ZCCHC4: variants seen among roughly 807,000 people sequenced by gnomAD.
ZCCHC4 encodes the protein rRNA N(6)-adenosine-methyltransferase ZCCHC4.
In ZCCHC4, 54 loss-of-function variants were observed where a neutral mutation model predicts 67.7. The observed-to-expected ratio is 0.80, with a 90% confidence interval of 0.64 to 1.00. ZCCHC4 has a LOEUF of 1.00. Among genes scored for constraint, ZCCHC4 ranks in the 50% least tolerant of loss-of-function variants. ZCCHC4 has a pLI of 0.00. For synonymous variants in ZCCHC4, 198 were observed against 213.5 expected, an observed-to-expected ratio of 0.93 and a Z score of 0.63; for missense variants, 609 against 617.0, an observed-to-expected ratio of 0.99 and a Z score of 0.14.
rs1718162526 is a variant in ZCCHC4, at chr4:25,314,774, C to T, written c.247-544C>T. Among the ~76,000 whole-genome samples, 8 of 152,204 alleles carry T rather than the reference C, an allele frequency of 5.3e-5. No individual in the cohort carries two copies. In the South Asian group the frequency reaches 1.7e-3, roughly 32 times the overall value. ...ATTTTAGGGGGCACAAACATTCAGT[C>T]GATAGCACCGTTGGCAGATACAGAT... On this transcript the variant is annotated intron_variant, in intron 2 of 12. Transcript: ENST00000302874.
At chr4:25,336,631 C>T (rs529615119) in intron 5 of ZCCHC4, among the ~76,000 whole-genome samples, 6 of 152,268 alleles carry the variant, frequency 3.9e-5, no homozygotes, top group South Asian at 2.1e-4. Flanking sequence ...GGATTAGAGG[C>T]GTGCGCTGCC....
intron 12 of ZCCHC4, among the ~76,000 whole-genome samples, chr4:25,367,023 A>T (rs1408869703): frequency 6.6e-6 from 1 of 152,210 alleles, no homozygotes; most frequent in Non-Finnish European, 1.5e-5. Flanking sequence ...GCTTTCAAAA[A>T]ATATATATAG....
intron 3 of ZCCHC4, among the ~76,000 whole-genome samples, chr4:25,322,300 A>T (rs1053717373): frequency 6.6e-5 from 10 of 152,102 alleles, no homozygotes; most frequent in Non-Finnish European, 2.9e-5. Flanking sequence ...TCATCACCTC[A>T]AAAGGAAACC....
chr4:25,331,412 C>A (rs945304731), intron 3 of ZCCHC4, among the ~76,000 whole-genome samples: 2 of 152,126 alleles, frequency 1.3e-5, no homozygotes, highest in African/African-American at 2.4e-5. Flanking sequence ...TCAAGTGATC[C>A]TCCTGCCTCT....
rs533615612 is a variant in ZCCHC4, at chr4:25,339,695, TTG to T, written c.686+5710_686+5711del. Among the ~76,000 whole-genome samples, 495 of 152,322 alleles carry T rather than the reference TTG, an allele frequency of 3.2e-3. 1 individual carries two copies. The highest frequency in any genetic ancestry group is 0.011 in the African/African-American group (478 of 41,580). Reference sequence around the variant, plus strand: ...TGATTTGCTAATATTTTCTCTCATCTTGTGGATTGTCTTTTCACTTGTGATGA... The same window carrying T: ...TGATTTGCTAATATTTTCTCTCATCTTGGATTGTCTTTTCACTTGTGATGA... On this transcript the variant is annotated intron_variant, in intron 5 of 12. Coordinates refer to ENST00000302874, the MANE Select transcript of ZCCHC4 (RefSeq NM_024936.3).
chr4:25,320,193 A>G (rs574353739), intron 3 of ZCCHC4, among the ~76,000 whole-genome samples: 8 of 149,636 alleles, frequency 5.3e-5, no homozygotes, highest in Non-Finnish European at 1.0e-4. Context: ...TTTTTTTTTT[A>G]TAGTTTTTAG....
At chr4:25,345,941 G>A (rs1432888231) in intron 6 of ZCCHC4, among the ~76,000 whole-genome samples, 1 of 152,148 alleles carries the variant, frequency 6.6e-6, no homozygotes, top group Non-Finnish European at 1.5e-5. Context: ...TCAGGGCACA[G>A]GGCTTTCATC....
chr4:25,366,148 G>T (rs186966138), intron 12 of ZCCHC4: 2 of 983,422 alleles, frequency 2.0e-6, no homozygotes, highest in East Asian at 1.1e-4. Context: ...TTTATTTGTG[G>T]TCAGTGAAAA....
chr4:25,313,718 GA>G (rs1270174153), intron 1 of ZCCHC4, among the ~76,000 whole-genome samples: 3 of 151,944 alleles, frequency 2.0e-5, no homozygotes, highest in Non-Finnish European at 4.4e-5. Flanking sequence ...TACAAAAAAA[GA>G]AAAACAGCTG....
At chr4:25,353,592 A>G (rs1022625348) in intron 8 of ZCCHC4, among the ~76,000 whole-genome samples, 1 of 152,216 alleles carries the variant, frequency 6.6e-6, no homozygotes, top group East Asian at 1.9e-4. Context: ...ATCTAGTGCA[A>G]TGTTTGGCAC....
intron 5 of ZCCHC4, among the ~76,000 whole-genome samples, chr4:25,337,544 C>T (rs1484993245): frequency 1.3e-5 from 2 of 152,168 alleles, no homozygotes; most frequent in Non-Finnish European, 2.9e-5. Flanking sequence ...ATTCCAGAGC[C>T]ATCACTGTGG....
intron 5 of ZCCHC4, among the ~76,000 whole-genome samples, chr4:25,340,407 T>C (rs1719683254): frequency 6.6e-6 from 1 of 152,190 alleles, no homozygotes; most frequent in Non-Finnish European, 1.5e-5. Flanking sequence ...TGCTGTATGG[T>C]AAATTTTGAA....
chr4:25,347,170 C>T (rs1258811345), intron 6 of ZCCHC4, among the ~76,000 whole-genome samples: 1 of 152,210 alleles, frequency 6.6e-6, no homozygotes, highest in Non-Finnish European at 1.5e-5. Context: ...CTTGATCCTA[C>T]ACTAGTGAGT....
intron 5 of ZCCHC4, 124 bp downstream of exon 5, chr4:25,334,112 A>T: frequency 1.8e-6 from 1 of 550,192 alleles, no homozygotes; most frequent in South Asian, 5.0e-5. Context: ...GTAATTTGTT[A>T]TGAGGAAACT....
chr4:25,340,425 A>G (rs1236167213), intron 5 of ZCCHC4, among the ~76,000 whole-genome samples: 2 of 151,860 alleles, frequency 1.3e-5, no homozygotes, highest in Admixed American at 6.6e-5. Context: ...GAAAATGGGA[A>G]GTATGAGTCT....
intron 4 of ZCCHC4, 42 bp downstream of exon 4, chr4:25,333,500 A>T: frequency 1.3e-6 from 2 of 1,595,006 alleles, no homozygotes; most frequent in Non-Finnish European, 1.7e-6. Flanking sequence ...TCTCACCACT[A>T]TTGAAACTGT....
chr4:25,313,691 A>G lies in ZCCHC4; in HGVS notation c.128-355A>G, dbSNP rs185777799. ...GGAGTTTGAGACTAGCCCGGGCAAA[A>G]ATGATGACACTCCGTCTACAAAAAA... On this transcript the variant is annotated intron_variant, in intron 1 of 12. Coordinates refer to ENST00000302874, the MANE Select transcript of ZCCHC4 (RefSeq NM_024936.3). Among the ~76,000 whole-genome samples, 168 of 152,170 alleles carry G rather than the reference A, an allele frequency of 1.1e-3. No homozygotes were observed. The East Asian group carries it at 0.013, about 11-fold the overall frequency.
At chr4:25,364,542 C>T in intron 11 of ZCCHC4, 37 bp downstream of exon 11, 1 of 1,487,850 alleles carries the variant, frequency 6.7e-7, no homozygotes, top group South Asian at 1.3e-5. Context: ...ATCCTATGAA[C>T]ATATTTTAGA....
chr4:25,355,560 C>G (rs1056796091), intron 8 of ZCCHC4, among the ~76,000 whole-genome samples: 1 of 152,148 alleles, frequency 6.6e-6, no homozygotes, highest in Non-Finnish European at 1.5e-5. Context: ...ATATGGGACA[C>G]TTGTTTGGGG....
Sources: gnomAD v4.1 joint callset for allele counts (sites outside exome capture counted in the v4.1 genomes callset) on GRCh38, gnomAD v4.1.1 for gene constraint, MANE v1.5 for transcripts, NCBI Gene and HGNC (gene_info 2026-07-23, HGNC 2026-07-21) for gene names.